SENP8: variants seen among roughly 807,000 people sequenced by gnomAD.
SENP8 encodes the protein SUMO peptidase family member, NEDD8 specific.
In SENP8, 10 loss-of-function variants were observed where a neutral mutation model predicts 14.4. That is an observed-to-expected ratio of 0.69 (90% CI 0.43 to 1.18). SENP8 has a LOEUF of 1.18. SENP8 is among the 50% of genes most tolerant of loss of function. SENP8 has a pLI of 0.00. For missense variants in SENP8, 202 were observed against 249.4 expected (o/e 0.81, Z 1.28); for synonymous variants, 94 against 95.5 (o/e 0.98, Z 0.09).
chr15:72,118,340 C>G (rs1229443607), upstream of SENP8: 1 of 191,384 alleles, frequency 5.2e-6, no homozygotes, highest in Non-Finnish European at 1.1e-5. Flanking sequence ...TTTAGATTCT[C>G]CCTGTACTGG....
chr15:72,129,691 T>C (rs1013472332), intron 1 of SENP8, among the ~76,000 whole-genome samples: 13 of 150,378 alleles, frequency 8.6e-5, no homozygotes, highest in African/African-American at 3.2e-4. Flanking sequence ...TTTTTTTTTT[T>C]AATTAGCCAG....
intron 1 of SENP8, among the ~76,000 whole-genome samples, chr15:72,130,557 A>ATTTTTTTT (rs11411490): frequency 4.7e-5 from 5 of 106,164 alleles, no homozygotes; most frequent in Admixed American, 1.2e-4. Context: ...ATGTTTTAGG[A>ATTTTTTTT]TTTTTTTTTT....
upstream of SENP8, chr15:72,117,543 G>C (rs148106509): frequency 2.8e-6 from 1 of 356,530 alleles, no homozygotes; most frequent in African/African-American, 2.1e-5. Context: ...TCTGGTGTTT[G>C]GGAGGCTCGG....
chr15:72,122,165 C>T (rs1015918666), intron 1 of SENP8, among the ~76,000 whole-genome samples: 7 of 151,094 alleles, frequency 4.6e-5, no homozygotes, highest in African/African-American at 1.7e-4. Flanking sequence ...ATGGGAGGTC[C>T]TCAAGGCCCA....
Position 72,140,891 on chromosome 15 carries a change from T to G in SENP8, c.*629T>G, listed in dbSNP as rs180865082. 1.1e-4 allele frequency: 19 copies of G among 167,282 alleles called. No individual in the cohort carries two copies. Among genetic ancestry groups the G allele is most frequent in the African/African-American group, 4.3e-4 (18 of 41,586 alleles). 10.4% of individuals were successfully genotyped at this position (167,282 alleles called of 1,614,324 possible). On this transcript the variant is annotated 3_prime_UTR_variant, in exon 2 of 2. Transcript: ENST00000340912. The stretch of plus-strand genomic sequence containing the variant: ...TAAAGATGATGTTACCCTATCTTCC[T>G]CCATCTGATTCCTGGAATGCTTGAA...
At chr15:72,115,454 T>C (rs1037982749), upstream of SENP8, among the ~76,000 whole-genome samples, 1 of 152,144 alleles carries the variant, frequency 6.6e-6, no homozygotes, top group East Asian at 1.9e-4. Context: ...CCCACCTCAG[T>C]GAAAGGCACA....
intron 1 of SENP8, among the ~76,000 whole-genome samples, chr15:72,121,243 G>T (rs1470234019): frequency 2.0e-5 from 3 of 152,280 alleles, no homozygotes; most frequent in Non-Finnish European, 4.4e-5. Flanking sequence ...GGCTATTTTT[G>T]TGGAAATCAT....
intron 1 of SENP8, among the ~76,000 whole-genome samples, chr15:72,120,918 A>G (rs1008637979): frequency 6.6e-6 from 1 of 152,230 alleles, no homozygotes; most frequent in Non-Finnish European, 1.5e-5. Flanking sequence ...GAAAACAAAG[A>G]TGCAATTGTT....
chr15:72,130,758 T>TC (rs747614069), intron 1 of SENP8, among the ~76,000 whole-genome samples: 1 of 152,012 alleles, frequency 6.6e-6, no homozygotes, highest in Non-Finnish European at 1.5e-5. Context: ...AGACAGGGTT[T>TC]CTCCATGTTG....
intron 1 of SENP8, among the ~76,000 whole-genome samples, chr15:72,136,409 G>C (rs1347189678): frequency 6.6e-6 from 1 of 151,780 alleles, no homozygotes; most frequent in East Asian, 1.9e-4. Context: ...CTTCATTCTT[G>C]GCTCCAGTTT....
At chr15:72,127,043 T>G (rs142964828) in intron 1 of SENP8, among the ~76,000 whole-genome samples, 1 of 152,312 alleles carries the variant, frequency 6.6e-6, no homozygotes, top group African/African-American at 2.4e-5. Flanking sequence ...CGAACTTGAT[T>G]TATATTATGT....
upstream of SENP8, chr15:72,116,990 T>C (rs188815002): frequency 6.6e-6 from 1 of 152,136 alleles, no homozygotes; most frequent in East Asian, 1.9e-4. Context: ...GCTAAGCAAA[T>C]ATTCCCTCAG....
chr15:72,137,876 G>A (rs947484537), intron 1 of SENP8, among the ~76,000 whole-genome samples: 5 of 151,978 alleles, frequency 3.3e-5, no homozygotes, highest in Non-Finnish European at 7.4e-5. Context: ...GGAGGCTGAG[G>A]CAGGAGAATG....
chr15:72,126,386 G>A (rs536894420), intron 1 of SENP8, among the ~76,000 whole-genome samples: 1 of 152,250 alleles, frequency 6.6e-6, no homozygotes, highest in Non-Finnish European at 1.5e-5. Context: ...CACGCTGAGA[G>A]GCCGAGGTGG....
intron 1 of SENP8, among the ~76,000 whole-genome samples, chr15:72,120,162 TATTTATC>T (rs796477423): frequency 9.2e-5 from 14 of 152,376 alleles, no homozygotes; most frequent in African/African-American, 3.1e-4. Flanking sequence ...CTTTTTCTAT[TATTTATC>T]ATTTAAGTTA....
At chr15:72,129,850 GA>G (rs952337176) in intron 1 of SENP8, among the ~76,000 whole-genome samples, 3 of 147,628 alleles carry the variant, frequency 2.0e-5, no homozygotes, top group Non-Finnish European at 3.0e-5. Context: ...TAAAAAAAAA[GA>G]AAAAAAAAAT....
chr15:72,142,174 A>T lies in SENP8; in HGVS notation c.*1912A>T, dbSNP rs1480634823. The T allele has an allele frequency of 6.6e-6, 1 of 152,184 alleles. No individual in the cohort carries two copies. The highest frequency in any genetic ancestry group is 1.5e-5 in the Non-Finnish European group (1 of 68,028). 9.4% of individuals were successfully genotyped at this position (152,184 alleles called of 1,614,324 possible). Reference sequence around the variant, plus strand: ...TATATATACACACGTATAGACATGTATATGTAATCTATCTACATATATATA... The same window carrying T: ...TATATATACACACGTATAGACATGTTTATGTAATCTATCTACATATATATA... On this transcript the variant is annotated 3_prime_UTR_variant, in exon 2 of 2. Transcript: ENST00000340912.
Position 72,141,363 on chromosome 15 carries a change from G to A in SENP8, c.*1101G>A, listed in dbSNP as rs905685183. On this transcript the variant is annotated 3_prime_UTR_variant, in exon 2 of 2. Coordinates refer to ENST00000340912, the MANE Select transcript of SENP8 (RefSeq NM_145204.4). The stretch of plus-strand genomic sequence containing the variant: ...TAAAATGTGGAACCAAGAGTAGAAC[G>A]AAATACTATCCCTCCAGAAGCACTG... 15 of 152,148 alleles carry A rather than the reference G, an allele frequency of 9.9e-5. No individual in the cohort carries two copies. The highest frequency in any genetic ancestry group is 2.9e-4 in the African/African-American group (12 of 41,440). The allele number at this position is 152,148 out of a possible 1,614,324, so 9.4% of individuals were successfully genotyped here. A position where few individuals can be genotyped will look rare whatever the true frequency, so the allele number is the denominator to read the frequency against.
upstream of SENP8, among the ~76,000 whole-genome samples, chr15:72,117,514 T>G (rs2081037137): frequency 6.6e-6 from 1 of 150,732 alleles, no homozygotes; most frequent in African/African-American, 2.5e-5. Flanking sequence ...TGGGGTCTAC[T>G]GGGGATCCGG....
Sources: gnomAD v4.1 joint callset for allele counts (sites outside exome capture counted in the v4.1 genomes callset) on GRCh38, gnomAD v4.1.1 for gene constraint, MANE v1.5 for transcripts, NCBI Gene and HGNC (gene_info 2026-07-23, HGNC 2026-07-21) for gene names.